ENTPD6: variants seen among roughly 807,000 people sequenced by gnomAD.
ENTPD6 encodes the protein CD39 antigen-like 2.
ENTPD6 carries 46 observed loss-of-function variants against 61.5 expected under a neutral mutation model. That is an observed-to-expected ratio of 0.75 (90% CI 0.59 to 0.96). The LOEUF (loss-of-function observed/expected upper bound fraction) is 0.96. Among genes scored for constraint, ENTPD6 ranks in the 40% least tolerant of loss-of-function variants. ENTPD6 has a pLI of 0.00. For synonymous variants in ENTPD6, 252 were observed against 255.5 expected, an observed-to-expected ratio of 0.99 and a Z score of 0.13; for missense variants, 612 against 629.0, an observed-to-expected ratio of 0.97 and a Z score of 0.29.
Position 25,216,707 on chromosome 20 carries a change from A to T in ENTPD6, c.769A>T (p.Thr257Ser), listed in dbSNP as rs781381895. 2.2e-5 allele frequency: 35 copies of T among 1,605,586 alleles called. No individual in the cohort carries two copies. The highest frequency in any genetic ancestry group is 2.8e-5 in the Non-Finnish European group (33 of 1,176,592). Residue 257 changes from threonine to serine, a missense_variant, in exon 8 of 15, where the codon ACT becomes TCT. Coordinates refer to ENST00000376652, the MANE Select transcript of ENTPD6 (RefSeq NM_001247.5). Reference sequence around the variant, plus strand: ...CATGCTGGACTTGGGCGGAGGATCCACTCAGATCGCCTTCCTGCCACGCGT... The same window carrying T: ...CATGCTGGACTTGGGCGGAGGATCCTCTCAGATCGCCTTCCTGCCACGCGT... ...VGMLDLGGGS[T>S]QIAFLPRVEG...
intron 1 of ENTPD6, among the ~76,000 whole-genome samples, chr20:25,198,495 T>C (rs1319766929): frequency 1.3e-5 from 2 of 152,026 alleles, no homozygotes; most frequent in East Asian, 3.9e-4. Flanking sequence ...AAAAAAAAAG[T>C]CTTGATTACA....
rs143353747 is a variant in ENTPD6, at chr20:25,225,266, C to T, written c.1305C>T (p.Tyr435=). Residue 435 remains tyrosine (Y), a synonymous_variant, in exon 14 of 15, where the codon TAC becomes TAT. Coordinates refer to ENST00000376652, the MANE Select transcript of ENTPD6 (RefSeq NM_001247.5). ...SSPFSCMDLT[Y]VSLLLQEFGF... is the part of the protein sequence containing the mutation. Reference sequence around the variant, plus strand: ...CCTTCTCATGCATGGACCTCACCTACGTCAGCCTGCTACTCCAGGAGTTCG... The same window carrying T: ...CCTTCTCATGCATGGACCTCACCTATGTCAGCCTGCTACTCCAGGAGTTCG... 2.3e-5 allele frequency: 37 copies of T among 1,613,578 alleles called. No individual in the cohort carries two copies. Among genetic ancestry groups the T allele is most frequent in the East Asian group, 1.1e-4 (5 of 44,874 alleles).
In ENTPD6 at chr20:25,225,283, A is replaced by AG; in HGVS notation, c.1324dup (p.Glu442GlyfsTer17). The AG allele has an allele frequency of 6.2e-7, 1 of 1,613,410 alleles. No individual in the cohort carries two copies. The highest frequency in any genetic ancestry group is 8.5e-7 in the Non-Finnish European group (1 of 1,179,946). On this transcript the variant is annotated frameshift_variant, in exon 14 of 15. Coordinates refer to ENST00000376652, the MANE Select transcript of ENTPD6 (RefSeq NM_001247.5). LOFTEE classifies it high-confidence loss of function. ...CTCACCTACGTCAGCCTGCTACTCC[A>AG]GGAGTTCGGCTTTCCCAGGAGCAAA...
In ENTPD6 at chr20:25,195,724, C is replaced by A; in HGVS notation, c.-159C>A. 1.6e-6 allele frequency: 1 copy of A among 626,412 alleles called. No homozygotes were observed. Among genetic ancestry groups the A allele is most frequent in the Non-Finnish European group, 2.3e-6 (1 of 428,676 alleles). 38.8% of individuals were successfully genotyped at this position (626,412 alleles called of 1,614,324 possible). ...CCACGTGCATGGGGCGGAGCCCAGG[C>A]CCTAGGGAATCGTGGGGTCGTATCC... On this transcript the variant is annotated 5_prime_UTR_variant, in exon 1 of 15. Coordinates refer to ENST00000376652, the MANE Select transcript of ENTPD6 (RefSeq NM_001247.5).
At position 25,225,306 on chromosome 20, in the gene ENTPD6, A is replaced by G. The variant is rs759737476; in HGVS notation, c.1345A>G (p.Lys449Glu). Reference protein sequence around the residue: ...LLQEFGFPRSKVLKLTRKIDN... With the variant: ...LLQEFGFPRSEVLKLTRKIDN... ...CCAGGAGTTCGGCTTTCCCAGGAGCAAAGTGCTGAAGGTAAGGGTGCCCTC... is the reference window on the plus strand; with the variant it reads ...CCAGGAGTTCGGCTTTCCCAGGAGCGAAGTGCTGAAGGTAAGGGTGCCCTC... Residue 449 changes from lysine to glutamate, a missense_variant, in exon 14 of 15, where the codon AAA becomes GAA. Transcript: ENST00000376652. 1.2e-6 allele frequency: 2 copies of G among 1,612,978 alleles called. No individual in the cohort carries two copies. The highest frequency in any genetic ancestry group is 3.3e-5 in the Admixed American group (2 of 59,960).
intron 1 of ENTPD6, among the ~76,000 whole-genome samples, chr20:25,198,587 T>C (rs1033835373): frequency 2.0e-5 from 3 of 152,218 alleles, no homozygotes; most frequent in East Asian, 3.8e-4. Context: ...CCTGGAGTGT[T>C]TCAGAACTTT....
intron 11 of ENTPD6, 31 bp downstream of exon 11, chr20:25,221,364 T>A: frequency 6.4e-7 from 1 of 1,564,170 alleles, no homozygotes; most frequent in Non-Finnish European, 8.8e-7. Context: ...TGTTGGTTTC[T>A]GCGGGTGAGA....
chr20:25,213,450 G>A (rs2092115526), intron 5 of ENTPD6, 44 bp downstream of exon 5: 1 of 1,550,342 alleles, frequency 6.5e-7, no homozygotes, highest in Non-Finnish European at 8.7e-7. Context: ...GCCCTCAGGG[G>A]CAACTGATGA....
chr20:25,210,026 C>T (rs2091847998), intron 4 of ENTPD6, 101 bp downstream of exon 4: 10 of 1,068,262 alleles, frequency 9.4e-6, no homozygotes, highest in Admixed American at 3.5e-5. Context: ...AGGAAGGGGG[C>T]TTTGACAGTG....
At chr20:25,221,188 G>A (rs776863928) in intron 10 of ENTPD6, 44 bp from the exon 11 acceptor site, 3 of 1,501,490 alleles carry the variant, frequency 2.0e-6, no homozygotes, top group African/African-American at 1.4e-5. Flanking sequence ...GTCCATGGCG[G>A]TGATATACCT....
chr20:25,206,040 C>T (rs894078114), intron 1 of ENTPD6, among the ~76,000 whole-genome samples: 2 of 152,326 alleles, frequency 1.3e-5, no homozygotes, highest in African/African-American at 4.8e-5. Context: ...CTGTAAAGCC[C>T]GCATGTGGCA....
chr20:25,224,237 C>T, intron 13 of ENTPD6, 80 bp downstream of exon 13: 5 of 1,329,612 alleles, frequency 3.8e-6, no homozygotes, highest in South Asian at 2.6e-5. Context: ...CCCTGACTCT[C>T]CTGGGTGTAG....
chr20:25,225,440 T>G (rs2092772422), intron 14 of ENTPD6, 59 bp from the exon 15 acceptor site: 2 of 1,586,180 alleles, frequency 1.3e-6, no homozygotes, highest in South Asian at 1.1e-5. Flanking sequence ...CACAGCCTCC[T>G]GATGCACAAG....
intron 9 of ENTPD6, among the ~76,000 whole-genome samples, chr20:25,218,092 T>C (rs936884446): frequency 6.6e-6 from 1 of 152,202 alleles, no homozygotes; most frequent in Non-Finnish European, 1.5e-5. Context: ...TCTGTCCTTC[T>C]CCTTCATCCT....
Position 25,221,221 on chromosome 20 carries a change from C to G in ENTPD6, c.944-11C>G, listed in dbSNP as rs770444880. 2 of 1,604,774 alleles carry G rather than the reference C, an allele frequency of 1.2e-6. No homozygotes were observed. The highest frequency in any genetic ancestry group is 1.7e-6 in the Non-Finnish European group (2 of 1,172,754). On this transcript the variant is annotated splice_polypyrimidine_tract_variant and intron_variant, in intron 10 of 14. Coordinates refer to ENST00000376652, the MANE Select transcript of ENTPD6 (RefSeq NM_001247.5). ...CCTTCCTTTCTCTTTCCTTTTTAATCTCTGTTTCAGCTAAGGATGGAAAGG... is the reference window on the plus strand; with the variant it reads ...CCTTCCTTTCTCTTTCCTTTTTAATGTCTGTTTCAGCTAAGGATGGAAAGG...
intron 11 of ENTPD6, 90 bp from the exon 12 acceptor site, chr20:25,222,748 G>C: frequency 6.5e-7 from 1 of 1,527,576 alleles, no homozygotes. Context: ...ATTCAGGTCA[G>C]AGTCTCAAGT....
intron 1 of ENTPD6, among the ~76,000 whole-genome samples, chr20:25,203,957 C>T (rs1420921234): frequency 6.6e-6 from 1 of 152,208 alleles, no homozygotes; most frequent in East Asian, 1.9e-4. Flanking sequence ...GCCAAAGTTT[C>T]CTCTGGTTTC....
intron 1 of ENTPD6, among the ~76,000 whole-genome samples, chr20:25,204,841 T>C (rs1446863201): frequency 1.3e-5 from 2 of 152,132 alleles, no homozygotes; most frequent in Non-Finnish European, 2.9e-5. Context: ...TCAGAGTTCC[T>C]GACATCCTGA....
rs148782311 is a variant in ENTPD6 at position 25,215,709 on chromosome 20, C to A, written c.707C>A (p.Thr236Lys). ...VSAWITINFL[T>K]GSLKTPGGSS... ...GCGTGGATCACCATCAACTTCCTGA[C>A]AGGTGTGTGCACACTGCATCACAGA... Residue 236 changes from threonine to lysine, a missense_variant and splice_region_variant, in exon 7 of 15, where the codon ACA becomes AAA. Thr to Lys is a moderately conservative substitution (Grantham distance 78). Coordinates refer to ENST00000376652, the MANE Select transcript of ENTPD6 (RefSeq NM_001247.5). 2 of 1,614,206 alleles carry A rather than the reference C, an allele frequency of 1.2e-6. No homozygotes were observed. Among genetic ancestry groups the A allele is most frequent in the Non-Finnish European group, 1.7e-6 (2 of 1,180,022 alleles).
Sources: gnomAD v4.1 joint callset for allele counts (sites outside exome capture counted in the v4.1 genomes callset) on GRCh38, gnomAD v4.1.1 for gene constraint, MANE v1.5 for transcripts, NCBI Gene and HGNC (gene_info 2026-07-23, HGNC 2026-07-21) for gene names.